Variants in HAP1 observed in about 807,000 individuals in gnomAD.
HAP1 encodes the protein huntingtin-associated protein 1.
HAP1 carries 59 observed loss-of-function variants against 60.3 expected under a neutral mutation model. The ratio of observed to expected loss-of-function variants is 0.98; its 90% CI spans 0.79 to 1.22. The LOEUF (loss-of-function observed/expected upper bound fraction) is 1.22, where lower values mean the gene tolerates loss of function less well. Ranked by LOEUF, HAP1 falls within the 50% of genes most tolerant of loss-of-function variation. HAP1 has a pLI of 0.00. For missense variants in HAP1, 825 were observed against 785.3 expected, an observed-to-expected ratio of 1.05 and a Z score of -0.60; for synonymous variants, 346 against 330.6, an observed-to-expected ratio of 1.05 and a Z score of -0.50.
chr17:41,730,552 A>C (rs530454168), intron 6 of HAP1: 1 of 152,294 alleles, frequency 6.6e-6, no homozygotes, highest in East Asian at 1.9e-4. Context: ...CATTCCTAGG[A>C]GGTAAAAGCA....
At position 41,725,021 on chromosome 17, in the gene HAP1, G is replaced by A; in HGVS notation, c.1540C>T (p.Leu514=). 1 of 1,612,132 alleles carries A rather than the reference G, an allele frequency of 6.2e-7. No individual in the cohort carries two copies. Among genetic ancestry groups the A allele is most frequent in the Non-Finnish European group, 8.5e-7 (1 of 1,179,202 alleles). The part of the protein sequence containing the change: ...PAEEFVPQEE[L]GAAKKVPAEE... ...GCCGGCACCTTCTTGGCAGCCCCCA[G>A]CTCCTCCTGGGGCACGAACTCCTCC... Residue 514 remains leucine (L), a synonymous_variant, in exon 11 of 11, where the codon CTG becomes TTG. Coordinates refer to ENST00000347901, the MANE Select transcript of HAP1 (RefSeq NM_177977.3).
chr17:41,728,072 GCTCT>G (rs1264607262), intron 7 of HAP1, 125 bp downstream of exon 7: 1 of 1,097,062 alleles, frequency 9.1e-7, no homozygotes, highest in Non-Finnish European at 1.4e-6. Flanking sequence ...AAGATAAGGG[GCTCT>G]CTGAGGTCTC....
chr17:41,725,166 A>G lies in HAP1; in HGVS notation c.1407-12T>C. On this transcript the variant is annotated splice_polypyrimidine_tract_variant and intron_variant, in intron 10 of 10. Coordinates refer to ENST00000347901, the MANE Select transcript of HAP1 (RefSeq NM_177977.3). Reference sequence around the variant, plus strand: ...AGCGAAAATCATACCTGGGCGGGAGATAGCGACATCTTTTGAGGGGCTGGA... The same window carrying G: ...AGCGAAAATCATACCTGGGCGGGAGGTAGCGACATCTTTTGAGGGGCTGGA... 1 of 1,557,266 alleles carries G rather than the reference A, an allele frequency of 6.4e-7. No homozygotes were observed. The highest frequency in any genetic ancestry group is 8.7e-7 in the Non-Finnish European group (1 of 1,150,300).
At chr17:41,725,739 C>A in intron 10 of HAP1, 120 bp downstream of exon 10, 2 of 795,330 alleles carry the variant, frequency 2.5e-6, no homozygotes, top group South Asian at 2.9e-5. Context: ...GTTCTCAGTT[C>A]AGCCAGCCGA....
At position 41,732,212 on chromosome 17, in the gene HAP1, T is replaced by A. The variant is rs369127376; in HGVS notation, c.714+18A>T. ...AGGTGTAGATTGGCCCGCTATCCTC[T>A]CCTCCCCACCCGGTTACCTCCTCCT... On this transcript the variant is annotated intron_variant, in intron 3 of 10. Transcript: ENST00000347901. 8.1e-6 allele frequency: 13 copies of A among 1,611,924 alleles called. No individual in the cohort carries two copies. In the African/African-American group the frequency reaches 1.2e-4, roughly 15 times the overall value.
Position 41,727,160 on chromosome 17 carries a change from C to G in HAP1, c.1276-16G>C. 7.3e-7 allele frequency: 1 copy of G among 1,367,386 alleles called. No individual in the cohort carries two copies. The highest frequency in any genetic ancestry group is 1.0e-6 in the Non-Finnish European group (1 of 955,430). 84.7% of individuals were successfully genotyped at this position (1,367,386 alleles called of 1,614,324 possible). ...GAAGAGTCTCCTATGGTGGAGAGAA[C>G]AGACGTTACCAGAGGACCCCCACAG... On this transcript the variant is annotated splice_polypyrimidine_tract_variant and intron_variant, in intron 8 of 10. Coordinates refer to ENST00000347901, the MANE Select transcript of HAP1 (RefSeq NM_177977.3).
chr17:41,728,431 G>T lies in HAP1; in HGVS notation c.1070-100C>A, dbSNP rs1333213115. The stretch of plus-strand genomic sequence containing the variant: ...TCTGTCTCCCCCACCCTCGGCTGCT[G>T]CGCTGTGCCAGTGGGTCCTGCAGGG... On this transcript the variant is annotated intron_variant, in intron 6 of 10. Coordinates refer to ENST00000347901, the MANE Select transcript of HAP1 (RefSeq NM_177977.3). 4.4e-6 allele frequency: 5 copies of T among 1,148,792 alleles called. No homozygotes were observed. The African/African-American group carries it at 7.7e-5, about 18-fold the overall frequency. 71.2% of individuals were successfully genotyped at this position (1,148,792 alleles called of 1,614,324 possible). A position where few individuals can be genotyped will look rare whatever the true frequency, so the allele number is the denominator to read the frequency against.
In HAP1 at chr17:41,731,486, T is replaced by A; in HGVS notation, c.1069+7A>T. On this transcript the variant is annotated splice_region_variant and intron_variant, in intron 6 of 10. Coordinates refer to ENST00000347901, the MANE Select transcript of HAP1 (RefSeq NM_177977.3). Reference sequence around the variant, plus strand: ...AACCCCCCACCCCGAGTGACAACATTACGTACAAAACTGCTCCACACACTC... The same window carrying A: ...AACCCCCCACCCCGAGTGACAACATAACGTACAAAACTGCTCCACACACTC... The A allele has an allele frequency of 1.9e-6, 3 of 1,595,180 alleles. No homozygotes were observed. The highest frequency in any genetic ancestry group is 2.6e-6 in the Non-Finnish European group (3 of 1,162,800).
intron 1 of HAP1, among the ~76,000 whole-genome samples, chr17:41,733,813 G>A (rs1343351073): frequency 6.6e-6 from 1 of 151,242 alleles, no homozygotes; most frequent in East Asian, 2.0e-4. Flanking sequence ...CGCAGACTCA[G>A]AGCGCGCGGG....
At chr17:41,733,808 A>G (rs4386177) in intron 1 of HAP1, among the ~76,000 whole-genome samples, 127,947 of 150,374 alleles carry the variant, frequency 0.85, 54,666 homozygotes, top group African/African-American at 0.94. Context: ...GCCAGCGCAG[A>G]CTCAGAGCGC....
In HAP1 at chr17:41,732,334, G is replaced by A. The variant is rs1555591342; in HGVS notation, c.610C>T (p.Leu204=). The change falls in exon 3 of 11, where the codon CTG becomes TTG. Residue 204 remains leucine (L), a synonymous_variant. Transcript: ENST00000347901. ...YGMVLQRERD[L]NTAARIGQSL... ...TGGCCGATGCGAGCTGCAGTGTTCA[G>A]GTCCCTCTCTCTCTGCAGGACCATC... is the stretch of plus-strand genomic sequence containing the variant. 6.2e-7 allele frequency: 1 copy of A among 1,614,034 alleles called. No homozygotes were observed. Among genetic ancestry groups the A allele is most frequent in the Admixed American group, 1.7e-5 (1 of 60,024 alleles).
intron 6 of HAP1, chr17:41,730,294 A>C (rs1912092167): frequency 6.6e-6 from 1 of 150,976 alleles, no homozygotes; most frequent in Non-Finnish European, 1.5e-5. Context: ...CCTGGACCAT[A>C]CTGACCCTGT....
Position 41,723,681 on chromosome 17 carries a change from C to T in HAP1, c.*1020G>A, listed in dbSNP as rs78582966. On this transcript the variant is annotated 3_prime_UTR_variant, in exon 11 of 11. Coordinates refer to ENST00000347901, the MANE Select transcript of HAP1 (RefSeq NM_177977.3). ...TATGCAGGTTGCCCCCTGCATGCGCCATAAAGGTCATGGTTCAGTTTATAA... is the reference window on the plus strand; with the variant it reads ...TATGCAGGTTGCCCCCTGCATGCGCTATAAAGGTCATGGTTCAGTTTATAA... The T allele has an allele frequency of 0.037, 5,707 of 152,688 alleles. 236 individuals are homozygous for T. The highest frequency in any genetic ancestry group is 0.11 in the African/African-American group (4,421 of 41,502). 9.5% of individuals were successfully genotyped at this position (152,688 alleles called of 1,614,324 possible).
chr17:41,732,935 C>A, intron 1 of HAP1, 137 bp from the exon 2 acceptor site: 2 of 653,392 alleles, frequency 3.1e-6, no homozygotes, highest in South Asian at 1.7e-5. Context: ...CTGGGCTCCC[C>A]TCCTGCCCCC....
Position 41,727,761 on chromosome 17 carries a change from C to T in HAP1, c.1275+1G>A. On this transcript the variant is annotated splice_donor_variant, in intron 8 of 10. Coordinates refer to ENST00000347901, the MANE Select transcript of HAP1 (RefSeq NM_177977.3). LOFTEE classifies it high-confidence loss of function. ...GGGCAGAAGCCGGCAGCGAGACTCA[C>T]CTCTTCCTGGAGCTGCATCTGGATT... 1 of 1,605,510 alleles carries T rather than the reference C, an allele frequency of 6.2e-7. No homozygotes were observed. The highest frequency in any genetic ancestry group is 8.5e-7 in the Non-Finnish European group (1 of 1,173,410).
chr17:41,726,007 C>T (rs1042972870), intron 9 of HAP1, 110 bp from the exon 10 acceptor site: 67 of 806,718 alleles, frequency 8.3e-5, no homozygotes, highest in Middle Eastern at 2.4e-4. Flanking sequence ...CAGTGGCTCA[C>T]GCCTGTAATC....
chr17:41,734,215 G>A lies in HAP1; in HGVS notation c.420C>T (p.Pro140=), dbSNP rs1045329043. Residue 140 remains proline (P), a synonymous_variant, in exon 1 of 11, where the codon CCC becomes CCT. Transcript: ENST00000347901. The part of the protein sequence containing the change: ...KTPAAYVGRR[P]GVSGPERAAF... ...CGGCGCGCTCAGGGCCGGACACCCCGGGTCGCCGGCCAACGTAGGCGGCTG... is the reference window on the plus strand; with the variant it reads ...CGGCGCGCTCAGGGCCGGACACCCCAGGTCGCCGGCCAACGTAGGCGGCTG... The A allele has an allele frequency of 2.5e-6, 4 of 1,599,102 alleles. No homozygotes were observed. Among genetic ancestry groups the A allele is most frequent in the African/African-American group, 1.3e-5 (1 of 74,782 alleles).
intron 7 of HAP1, 38 bp from the exon 8 acceptor site, chr17:41,727,874 C>A: frequency 7.8e-7 from 1 of 1,288,276 alleles, no homozygotes; most frequent in Non-Finnish European, 1.1e-6. Context: ...CCATCTGAGG[C>A]CTACCCACTC....
chr17:41,727,893 C>T, intron 7 of HAP1, 57 bp from the exon 8 acceptor site: 1 of 1,068,860 alleles, frequency 9.4e-7, no homozygotes, highest in Non-Finnish European at 1.4e-6. Flanking sequence ...TCAGGGCACC[C>T]CCTGCTTCCA....
Sources: gnomAD v4.1 joint callset for allele counts (sites outside exome capture counted in the v4.1 genomes callset) on GRCh38, gnomAD v4.1.1 for gene constraint, MANE v1.5 for transcripts, NCBI Gene and HGNC (gene_info 2026-07-23, HGNC 2026-07-21) for gene names.